DSCAM: variants seen among roughly 807,000 people sequenced by gnomAD.
The protein encoded by DSCAM is cell adhesion molecule DSCAM.
Under a neutral mutation model 217.7 loss-of-function variants are expected in DSCAM, and 47 were observed. That is an observed-to-expected ratio of 0.22 (90% CI 0.17 to 0.28). The LOEUF (loss-of-function observed/expected upper bound fraction) is 0.28, where lower values mean the gene tolerates loss of function less well. DSCAM is among the 10% of genes least tolerant of loss of function. The probability of loss-of-function intolerance (pLI) is 1.00; values close to 1 mark genes in which losing one functional copy is unlikely to be tolerated. For missense variants in DSCAM, 2,080 were observed against 2,618.3 expected (o/e 0.79, Z 4.49); for synonymous variants, 1,056 against 1,015.3 (o/e 1.04, Z -0.76).
intron 1 of DSCAM, among the ~76,000 whole-genome samples, chr21:40,778,252 T>A (rs2091506706): frequency 6.6e-6 from 1 of 151,930 alleles, no homozygotes; most frequent in Non-Finnish European, 1.5e-5. Flanking sequence ...AGAAATAACA[T>A]CTGAATAAGC....
chr21:40,531,645 G>A (rs1186335340), intron 3 of DSCAM, among the ~76,000 whole-genome samples: 1 of 152,244 alleles, frequency 6.6e-6, no homozygotes, highest in Admixed American at 6.5e-5. Flanking sequence ...TAAGGAAGGA[G>A]GAGAGATGGG....
chr21:40,116,152 C>G (rs1350716605), intron 20 of DSCAM, among the ~76,000 whole-genome samples: 2 of 152,106 alleles, frequency 1.3e-5, no homozygotes, highest in African/African-American at 2.4e-5. Flanking sequence ...AACAACAACA[C>G]ACACCTTTCA....
intron 15 of DSCAM, among the ~76,000 whole-genome samples, chr21:40,177,198 A>T (rs1005827575): frequency 1.3e-5 from 2 of 152,390 alleles, no homozygotes; most frequent in East Asian, 1.9e-4. Flanking sequence ...ACATAATTAA[A>T]TACAATTCTA....
At chr21:40,707,785 T>C (rs1391462345) in intron 2 of DSCAM, among the ~76,000 whole-genome samples, 2 of 152,194 alleles carry the variant, frequency 1.3e-5, no homozygotes, top group Non-Finnish European at 2.9e-5. Context: ...AACCACACAA[T>C]CTGTCCTGTA....
intron 8 of DSCAM, among the ~76,000 whole-genome samples, chr21:40,335,359 CAA>C (rs755987243): frequency 1.3e-5 from 2 of 152,068 alleles, no homozygotes; most frequent in Non-Finnish European, 2.9e-5. Context: ...AAAAATTATT[CAA>C]TAGAATTATT....
rs796559687 is a variant in DSCAM at position 40,637,616 on chromosome 21, A to T, written c.508+55194T>A. Reference sequence around the variant, plus strand: ...ATAAATATATATATAAATATATATAAATATATACATATATAAATATATATA... The same window carrying T: ...ATAAATATATATATAAATATATATATATATATACATATATAAATATATATA... On this transcript the variant is annotated intron_variant, in intron 3 of 32. Transcript: ENST00000400454. Among the ~76,000 whole-genome samples the T allele has an allele frequency of 5.0e-3, 149 of 29,560 alleles. 4 individuals are homozygous for T. Among genetic ancestry groups the T allele is most frequent in the Middle Eastern group, 0.014 (1 of 74 alleles). 19.4% of individuals were successfully genotyped at this position (29,560 alleles called of 152,430 possible).
intron 3 of DSCAM, among the ~76,000 whole-genome samples, chr21:40,609,129 A>G (rs2089280633): frequency 6.6e-6 from 1 of 151,962 alleles, no homozygotes; most frequent in Non-Finnish European, 1.5e-5. Flanking sequence ...TATTTTTTGT[A>G]TTTTTAGAAA....
At chr21:40,259,632 G>A (rs959654559) in intron 11 of DSCAM, among the ~76,000 whole-genome samples, 1 of 139,832 alleles carries the variant, frequency 7.2e-6, no homozygotes, top group African/African-American at 2.6e-5. Flanking sequence ...ATAGTTCTTA[G>A]AGAGAATGAA....
intron 20 of DSCAM, among the ~76,000 whole-genome samples, chr21:40,109,363 G>A (rs2089864905): frequency 6.6e-6 from 1 of 152,180 alleles, no homozygotes; most frequent in Non-Finnish European, 1.5e-5. Flanking sequence ...TTTCAAAAGA[G>A]AACCTACATG....
chr21:40,654,184 G>A (rs1004901342), intron 3 of DSCAM, among the ~76,000 whole-genome samples: 2 of 152,000 alleles, frequency 1.3e-5, no homozygotes, highest in Non-Finnish European at 1.5e-5. Context: ...TCACCAATAC[G>A]ATATTACTGT....
At chr21:40,649,342 C>T (rs544718745) in intron 3 of DSCAM, among the ~76,000 whole-genome samples, 11 of 152,328 alleles carry the variant, frequency 7.2e-5, no homozygotes, top group African/African-American at 2.6e-4. Flanking sequence ...CACCTGGAAC[C>T]TCCACCTCTG....
At chr21:40,376,915 T>C (rs2074969718) in intron 3 of DSCAM, among the ~76,000 whole-genome samples, 1 of 152,030 alleles carries the variant, frequency 6.6e-6, no homozygotes, top group South Asian at 2.1e-4. Context: ...AAATTTATGT[T>C]AATGTCCTAA....
chr21:40,072,550 A>G (rs2253847), intron 27 of DSCAM, among the ~76,000 whole-genome samples: 150,903 of 151,336 alleles, frequency 1, 75,239 homozygotes, highest in African/African-American at 1. Context: ...GGGTTTCACC[A>G]TGTTAGCCAG....
intron 16 of DSCAM, among the ~76,000 whole-genome samples, chr21:40,163,382 T>C (rs2090561419): frequency 6.6e-6 from 1 of 152,242 alleles, no homozygotes; most frequent in African/African-American, 2.4e-5. Flanking sequence ...AATTAAATTG[T>C]ATTTGCTTAC....
In DSCAM at chr21:40,295,757, A is replaced by T. The variant is rs571205345; in HGVS notation, c.2182+298T>A. On this transcript the variant is annotated intron_variant, in intron 10 of 32. Transcript: ENST00000400454. ...AGTGATCTCTAAGCAGACCATGGTT[A>T]TGTAATACAGGTGGGCAAGGTAGGA... Among the ~76,000 whole-genome samples, 8 of 152,308 alleles carry T rather than the reference A, an allele frequency of 5.3e-5. No homozygotes were observed. The East Asian group carries it at 1.5e-3, about 29-fold the overall frequency.
chr21:40,803,420 T>C (rs1031266134), intron 1 of DSCAM, among the ~76,000 whole-genome samples: 1 of 152,114 alleles, frequency 6.6e-6, no homozygotes, highest in Non-Finnish European at 1.5e-5. Context: ...AAGCCACCTA[T>C]AGGAGTGACT....
chr21:40,784,599 T>C (rs148380509), intron 1 of DSCAM, among the ~76,000 whole-genome samples: 224 of 152,328 alleles, frequency 1.5e-3, no homozygotes, highest in African/African-American at 4.4e-3. Context: ...CCAAAGTTCA[T>C]TGTTGATATC....
At chr21:40,431,400 T>C (rs2075530411) in intron 3 of DSCAM, among the ~76,000 whole-genome samples, 1 of 149,414 alleles carries the variant, frequency 6.7e-6, no homozygotes, top group Admixed American at 6.6e-5. Context: ...ACCTTTATGA[T>C]GATCCACTTC....
At chr21:40,017,607 G>C (rs1173193722) in intron 32 of DSCAM, among the ~76,000 whole-genome samples, 1 of 151,530 alleles carries the variant, frequency 6.6e-6, no homozygotes, top group Non-Finnish European at 1.5e-5. Flanking sequence ...TGTCGCCCAG[G>C]CTGGAGTGCA....
Sources: allele counts gnomAD v4.1 joint callset (sites outside exome capture counted in the v4.1 genomes callset), GRCh38; gene constraint gnomAD v4.1.1; transcripts MANE v1.5; gene names NCBI Gene and HGNC (gene_info 2026-07-23, HGNC 2026-07-21).